The following NSG2 variants were observed in gnomAD, a reference collection of about 807,000 sequenced individuals.
NSG2 encodes the protein neuronal vesicle trafficking associated 2.
NSG2 carries 4 observed loss-of-function variants against 16.9 expected under a neutral mutation model. That is an observed-to-expected ratio of 0.24 (90% CI 0.12 to 0.54). The LOEUF (loss-of-function observed/expected upper bound fraction) is 0.54, where lower values mean the gene tolerates loss of function less well. Ranked by LOEUF, NSG2 falls within the 20% of genes least tolerant of loss-of-function variation. The pLI is 0.95. For missense variants in NSG2, 179 were observed against 221.1 expected, an observed-to-expected ratio of 0.81 and a Z score of 1.21; for synonymous variants, 98 against 88.7, an observed-to-expected ratio of 1.11 and a Z score of -0.59.
At chr5:174,054,030 C>G (rs1198576691) in intron 2 of NSG2, among the ~76,000 whole-genome samples, 1 of 152,218 alleles carries the variant, frequency 6.6e-6, no homozygotes, top group Non-Finnish European at 1.5e-5. Context: ...TTGGACTATT[C>G]CCTGAGAAGG....
intron 2 of NSG2, among the ~76,000 whole-genome samples, chr5:174,060,685 G>A (rs572292129): frequency 7.2e-4 from 109 of 152,310 alleles, no homozygotes; most frequent in African/African-American, 2.5e-3. Flanking sequence ...TGGCCAGGCT[G>A]CATTCCCACT....
At position 174,104,233 on chromosome 5, in the gene NSG2, C is replaced by A; in HGVS notation, c.219C>A (p.Thr73=). ...TTAATTTTGTATTCCTCCAGGTCAC[C>A]ATCCTTGTCAGCCTGGCCCTAGCTT... ...RVPKIAEFTV[T]ILVSLALAFL... The change falls in exon 4 of 5, where the codon ACC becomes ACA. Residue 73 remains threonine (T), a synonymous_variant. Transcript: ENST00000303177. The A allele has an allele frequency of 6.2e-7, 1 of 1,613,656 alleles. No individual in the cohort carries two copies. Among genetic ancestry groups the A allele is most frequent in the African/African-American group, 1.3e-5 (1 of 75,006 alleles).
intron 4 of NSG2, among the ~76,000 whole-genome samples, chr5:174,105,034 T>C (rs1474881152): frequency 6.6e-6 from 1 of 152,214 alleles, no homozygotes; most frequent in Admixed American, 6.5e-5. Flanking sequence ...CTGATAATAT[T>C]TATAATTACC....
intron 3 of NSG2, among the ~76,000 whole-genome samples, chr5:174,097,611 G>A (rs1470609266): frequency 2.7e-5 from 4 of 149,964 alleles, no homozygotes; most frequent in Non-Finnish European, 5.9e-5. Context: ...GTGTGTCTGT[G>A]TTTCTCTCTG....
intron 2 of NSG2, among the ~76,000 whole-genome samples, chr5:174,054,844 C>T (rs1425961296): frequency 1.3e-5 from 2 of 152,228 alleles, no homozygotes; most frequent in Non-Finnish European, 2.9e-5. Context: ...CAAATCCTAA[C>T]TCCACCTACT....
chr5:174,081,367 AC>A (rs1760462676), intron 3 of NSG2: 1 of 151,488 alleles, frequency 6.6e-6, no homozygotes, highest in South Asian at 2.1e-4. Flanking sequence ...CCCCCCAAAT[AC>A]CCTTTCTGCA....
Position 174,046,863 on chromosome 5 carries a change from ACAG to A in NSG2, c.110_112del (p.Gln37del). 6.2e-7 allele frequency: 1 copy of A among 1,614,108 alleles called. No homozygotes were observed. The highest frequency in any genetic ancestry group is 8.5e-7 in the Non-Finnish European group (1 of 1,180,014). ...TCACTCCCTTGGAGGTTAATCACTT[ACAG>A]CTGCCTGCTCCAGAAAAGGTAAAGC... is the stretch of plus-strand genomic sequence containing the variant. On this transcript the variant is annotated inframe_deletion, in exon 2 of 5. Transcript: ENST00000303177.
Position 174,065,197 on chromosome 5 carries a change from G to A in NSG2, c.213+882G>A, listed in dbSNP as rs1465590981. ...CAAAAAATTAGCTGGGCGTAGTGGC[G>A]GGCGCCTGTAATCCCATCTACTCGG... On this transcript the variant is annotated intron_variant, in intron 3 of 4. Coordinates refer to ENST00000303177, the MANE Select transcript of NSG2 (RefSeq NM_015980.5). 5.9e-5 allele frequency among the ~76,000 whole-genome samples: 9 copies of A among 151,932 alleles called. No individual in the cohort carries two copies. The South Asian group carries it at 1.0e-3, about 18-fold the overall frequency.
intron 3 of NSG2, among the ~76,000 whole-genome samples, chr5:174,099,947 T>G (rs62395639): frequency 9.9e-5 from 15 of 152,216 alleles, no homozygotes; most frequent in Non-Finnish European, 2.2e-4. Flanking sequence ...GACTGTGAGG[T>G]CTCAAGAAAG....
chr5:174,096,790 G>A (rs1473045883), intron 3 of NSG2, among the ~76,000 whole-genome samples: 1 of 152,152 alleles, frequency 6.6e-6, no homozygotes, highest in African/African-American at 2.4e-5. Context: ...CCTAGGCATG[G>A]CTCTGGGGGA....
intron 3 of NSG2, among the ~76,000 whole-genome samples, chr5:174,071,965 G>T (rs1253384320): frequency 6.6e-6 from 1 of 152,110 alleles, no homozygotes; most frequent in African/African-American, 2.4e-5. Flanking sequence ...GGGGGCCTTG[G>T]CTCCCTGTCT....
intron 3 of NSG2, among the ~76,000 whole-genome samples, chr5:174,092,720 G>A (rs534983578): frequency 3.9e-5 from 6 of 152,098 alleles, no homozygotes; most frequent in East Asian, 1.9e-4. Flanking sequence ...ATAGTTTTTC[G>A]TACATTAGCG....
chr5:174,101,379 C>T (rs535948123), intron 3 of NSG2, among the ~76,000 whole-genome samples: 35 of 152,304 alleles, frequency 2.3e-4, no homozygotes, highest in African/African-American at 7.9e-4. Context: ...TGTTGTGCAA[C>T]CATCACCTCT....
intron 3 of NSG2, among the ~76,000 whole-genome samples, chr5:174,074,370 T>C (rs2113447062): frequency 6.6e-6 from 1 of 152,254 alleles, no homozygotes; most frequent in South Asian, 2.1e-4. Context: ...GGGAGGTCTC[T>C]TGCTAGATGG....
intron 3 of NSG2, among the ~76,000 whole-genome samples, chr5:174,098,578 T>C (rs1760844698): frequency 6.6e-6 from 1 of 152,160 alleles, no homozygotes; most frequent in Non-Finnish European, 1.5e-5. Flanking sequence ...CAGTCCCCTC[T>C]CGCTTCCAGG....
Position 174,107,646 on chromosome 5 carries a change from A to G in NSG2, c.*141A>G, listed in dbSNP as rs1239453466. 4 of 816,278 alleles carry G rather than the reference A, an allele frequency of 4.9e-6. No individual in the cohort carries two copies. In the South Asian group the frequency reaches 5.8e-5, roughly 12 times the overall value. The allele number at this position is 816,278 out of a possible 1,614,324, so 50.6% of individuals were successfully genotyped here. A position where few individuals can be genotyped will look rare whatever the true frequency, so the allele number is the denominator to read the frequency against. ...CAGGGCAGGGTGGGGGGAAGAACGC[A>G]CCAAAAACGTGGTGTGTGCTGGAGT... is the stretch of plus-strand genomic sequence containing the variant. On this transcript the variant is annotated 3_prime_UTR_variant, in exon 5 of 5. Transcript: ENST00000303177. The surrounding 1 kb of genome is among the most constrained non-coding windows in gnomAD (Gnocchi z 4.5).
intron 3 of NSG2, among the ~76,000 whole-genome samples, chr5:174,083,482 A>AGAGT (rs1308642222): frequency 6.6e-6 from 1 of 152,236 alleles, no homozygotes; most frequent in Admixed American, 6.5e-5. Flanking sequence ...GCACTATAAC[A>AGAGT]GAGTGGCAAG....
chr5:174,086,920 G>A (rs2113461286), intron 3 of NSG2, among the ~76,000 whole-genome samples: 1 of 152,306 alleles, frequency 6.6e-6, no homozygotes, highest in South Asian at 2.1e-4. Flanking sequence ...GCTTTGGAAT[G>A]TTCCAGTTCA....
intron 3 of NSG2, among the ~76,000 whole-genome samples, chr5:174,097,984 C>A (rs187400250): frequency 6.6e-6 from 1 of 152,032 alleles, no homozygotes; most frequent in Non-Finnish European, 1.5e-5. Context: ...GGGTGCGACT[C>A]GCTTGCTGCC....
Sources: allele counts gnomAD v4.1 joint callset (sites outside exome capture counted in the v4.1 genomes callset), GRCh38; gene constraint gnomAD v4.1.1; non-coding constraint Gnocchi (gnomAD v3.1); transcripts MANE v1.5; gene names NCBI Gene and HGNC (gene_info 2026-07-23, HGNC 2026-07-21).